The following DAB1 variants were observed in gnomAD, a reference collection of about 807,000 sequenced individuals.
DAB1 encodes the protein DAB adaptor protein 1, also known as disabled homolog 1.
In DAB1, 15 loss-of-function variants were observed where a neutral mutation model predicts 64.6. That is an observed-to-expected ratio of 0.23 (90% CI 0.16 to 0.36). DAB1 has a LOEUF of 0.36. DAB1 is among the 10% of genes least tolerant of loss of function. The pLI, the probability that DAB1 is intolerant of heterozygous loss-of-function variation, is 1.00. For missense variants in DAB1, 596 were observed against 706.7 expected (o/e 0.84, Z 1.78); for synonymous variants, 235 against 251.9 (o/e 0.93, Z 0.64).
At chr1:58,497,954 C>A (rs1645832541) in intron 3 of DAB1, among the ~76,000 whole-genome samples, 1 of 152,136 alleles carries the variant, frequency 6.6e-6, no homozygotes, top group African/African-American at 2.4e-5. Flanking sequence ...AAAAAGCTTC[C>A]ATTTCCCTCT....
chr1:57,130,374 T>C (rs1365081758), intron 4 of DAB1, among the ~76,000 whole-genome samples: 2 of 152,122 alleles, frequency 1.3e-5, no homozygotes, highest in African/African-American at 4.8e-5. Flanking sequence ...AAAATTACTT[T>C]AAACTACCTT....
chr1:57,480,021 G>C (rs962276666), intron 7 of DAB1, among the ~76,000 whole-genome samples: 1 of 151,514 alleles, frequency 6.6e-6, no homozygotes, highest in Non-Finnish European at 1.5e-5. Flanking sequence ...GCATGGTGGC[G>C]CGCGCCTGTA....
chr1:57,831,522 T>C (rs1652587652), intron 1 of DAB1, among the ~76,000 whole-genome samples: 1 of 149,910 alleles, frequency 6.7e-6, no homozygotes, highest in African/African-American at 2.4e-5. Flanking sequence ...AAATAATACA[T>C]ATTTATTTTC....
chr1:57,918,614 G>A (rs1644764885), intron 5 of DAB1, among the ~76,000 whole-genome samples: 1 of 152,080 alleles, frequency 6.6e-6, no homozygotes, highest in African/African-American at 2.4e-5. Flanking sequence ...CACAAAGTCA[G>A]GAGATACAGA....
chr1:58,310,516 T>C (rs2100472887), intron 4 of DAB1, among the ~76,000 whole-genome samples: 1 of 152,324 alleles, frequency 6.6e-6, no homozygotes, highest in South Asian at 2.1e-4. Context: ...TTTGGCCTTC[T>C]CTTGATTCAA....
chr1:58,519,277 G>T (rs67639631), intron 2 of DAB1, among the ~76,000 whole-genome samples: 47,312 of 152,004 alleles, frequency 0.31, 7,794 homozygotes, highest in African/African-American at 0.42. Flanking sequence ...TATATATTTA[G>T]GGGTTACATG....
At chr1:57,378,795 C>T (rs946042453) in intron 1 of DAB1, among the ~76,000 whole-genome samples, 1 of 152,100 alleles carries the variant, frequency 6.6e-6, no homozygotes. Context: ...AATGCCTCAG[C>T]GACTTGGAGG....
chr1:57,934,474 T>A (rs891063167), intron 5 of DAB1, among the ~76,000 whole-genome samples: 3 of 152,174 alleles, frequency 2.0e-5, no homozygotes, highest in African/African-American at 4.8e-5. Context: ...GCATTGCTGT[T>A]ATAGTATGCT....
intron 3 of DAB1, among the ~76,000 whole-genome samples, chr1:58,446,978 C>G (rs1645074594): frequency 6.6e-6 from 1 of 152,174 alleles, no homozygotes; most frequent in African/African-American, 2.4e-5. Flanking sequence ...CATTCATGAT[C>G]CTCATGGTCC....
intron 5 of DAB1, among the ~76,000 whole-genome samples, chr1:57,930,171 G>A (rs894945658): frequency 2.0e-5 from 3 of 152,082 alleles, no homozygotes; most frequent in Non-Finnish European, 4.4e-5. Flanking sequence ...CCATTGCTTT[G>A]CCTTTGCCAA....
At chr1:57,829,482 A>T (rs1652494970) in intron 1 of DAB1, among the ~76,000 whole-genome samples, 1 of 152,220 alleles carries the variant, frequency 6.6e-6, no homozygotes. Flanking sequence ...TCTGTAAAAG[A>T]TAATGCACAA....
chr1:58,131,508 C>A (rs1281656666), intron 5 of DAB1, among the ~76,000 whole-genome samples: 2 of 145,930 alleles, frequency 1.4e-5, no homozygotes, highest in African/African-American at 2.5e-5. Context: ...TGAGGAACTG[C>A]GTTCCTTTGG....
intron 2 of DAB1, among the ~76,000 whole-genome samples, chr1:58,515,743 C>T (rs1031829190): frequency 6.6e-6 from 1 of 152,072 alleles, no homozygotes; most frequent in Admixed American, 6.5e-5. Context: ...AGAATACTAA[C>T]CTGAAAAATA....
In DAB1 at chr1:57,986,754, G is replaced by A. The variant is rs150430894; in HGVS notation, n.388-102592C>T. On this transcript the variant is annotated intron_variant and non_coding_transcript_variant, in intron 5 of 20. Transcript: ENST00000485760. ...TTCTTGAGACTAACTCCAAAGCCAC[G>A]TCCTCTCCATGACTCTCCACAGAGA... Among the ~76,000 whole-genome samples, 8 of 152,218 alleles carry A rather than the reference G, an allele frequency of 5.3e-5. No homozygotes were observed. In the East Asian group the frequency reaches 1.5e-3, roughly 29 times the overall value.
intron 3 of DAB1, among the ~76,000 whole-genome samples, chr1:58,350,154 G>C (rs1332814587): frequency 1.3e-5 from 2 of 152,078 alleles, no homozygotes; most frequent in Non-Finnish European, 2.9e-5. Context: ...GCCATTCTAA[G>C]TGGCATGAGA....
At chr1:57,798,026 G>C (rs1013647711) in intron 6 of DAB1, among the ~76,000 whole-genome samples, 1 of 152,216 alleles carries the variant, frequency 6.6e-6, no homozygotes, top group Non-Finnish European at 1.5e-5. Context: ...CACCATGTGA[G>C]AGAGGTACTG....
At chr1:57,508,499 T>C (rs561857051) in intron 7 of DAB1, among the ~76,000 whole-genome samples, 3 of 152,380 alleles carry the variant, frequency 2.0e-5, no homozygotes, top group Non-Finnish European at 2.9e-5. Flanking sequence ...CCTTGTCCTT[T>C]ATCCCATGGC....
intron 2 of DAB1, among the ~76,000 whole-genome samples, chr1:57,246,480 A>G (rs539003424): frequency 1.5e-3 from 224 of 152,334 alleles, no homozygotes; most frequent in African/African-American, 5.3e-3. Context: ...ATGTATAGAA[A>G]TGCCTGGATG....
intron 3 of DAB1, among the ~76,000 whole-genome samples, chr1:58,437,370 G>A (rs1197669973): frequency 6.6e-6 from 1 of 152,154 alleles, no homozygotes; most frequent in Non-Finnish European, 1.5e-5. Flanking sequence ...AAGAAAAGGA[G>A]GGAGAAAGCC....
Sources: allele counts gnomAD v4.1 joint callset (sites outside exome capture counted in the v4.1 genomes callset), GRCh38; gene constraint gnomAD v4.1.1; transcripts MANE v1.5; gene names NCBI Gene and HGNC (gene_info 2026-07-23, HGNC 2026-07-21).